CSMD1: variants seen among roughly 807,000 people sequenced by gnomAD.
CSMD1 encodes CUB and sushi domain-containing protein 1.
CSMD1 carries 213 observed loss-of-function variants against 417.5 expected under a neutral mutation model. That is an observed-to-expected ratio of 0.51 (90% CI 0.46 to 0.57). CSMD1 has a LOEUF of 0.57. Among genes scored for constraint, CSMD1 ranks in the 20% least tolerant of loss-of-function variants. The probability of loss-of-function intolerance (pLI) is 0.00; values close to 1 mark genes in which losing one functional copy is unlikely to be tolerated. For synonymous variants in CSMD1, 2,862 were observed against 1,736.8 expected (o/e 1.65, Z -16.11); for missense variants, 6,923 against 4,529.7 (o/e 1.53, Z -15.17).
intron 4 of CSMD1, among the ~76,000 whole-genome samples, chr8:3,998,508 G>C (rs532970831): frequency 6.6e-6 from 1 of 152,072 alleles, no homozygotes; most frequent in East Asian, 1.9e-4. Flanking sequence ...TGGATACCTG[G>C]CTTTGAGAAT....
intron 3 of CSMD1, among the ~76,000 whole-genome samples, chr8:4,124,344 T>A (rs1802646317): frequency 6.6e-6 from 1 of 152,148 alleles, no homozygotes; most frequent in Non-Finnish European, 1.5e-5. Flanking sequence ...AATGAGAAAC[T>A]TTTCTTTACG....
intron 1 of CSMD1, among the ~76,000 whole-genome samples, chr8:4,830,515 C>G (rs1460937936): frequency 6.6e-6 from 1 of 152,204 alleles, no homozygotes; most frequent in African/African-American, 2.4e-5. Flanking sequence ...TACTGCCTGA[C>G]AATGGATTAC....
intron 1 of CSMD1, among the ~76,000 whole-genome samples, chr8:4,946,066 G>A (rs990302441): frequency 6.6e-5 from 10 of 152,034 alleles, no homozygotes; most frequent in South Asian, 4.1e-4. Flanking sequence ...CAGCATTGCC[G>A]CTGGCAACGA....
chr8:4,503,981 AAAAG>A (rs1802392563), intron 2 of CSMD1, among the ~76,000 whole-genome samples: 2 of 151,912 alleles, frequency 1.3e-5, no homozygotes, highest in South Asian at 4.1e-4. Context: ...AAAAAAAAAA[AAAAG>A]AAAAAAAAAG....
intron 10 of CSMD1, among the ~76,000 whole-genome samples, chr8:3,572,385 G>A (rs1799982610): frequency 6.6e-6 from 1 of 152,288 alleles, no homozygotes. Context: ...CAGGAGAGGG[G>A]CTTGGAGCAA....
chr8:3,884,932 C>CAT (rs148153076), intron 5 of CSMD1, among the ~76,000 whole-genome samples: 273 of 96,812 alleles, frequency 2.8e-3, no homozygotes, highest in Admixed American at 4.5e-3. Flanking sequence ...TATATATATT[C>CAT]ATATATATAT....
chr8:4,477,569 T>C (rs1800872453), intron 2 of CSMD1, among the ~76,000 whole-genome samples: 1 of 152,196 alleles, frequency 6.6e-6, no homozygotes, highest in Non-Finnish European at 1.5e-5. Flanking sequence ...ACATCTTTTT[T>C]TAAAAATTGC....
At chr8:4,300,695 C>G (rs1475027209) in intron 3 of CSMD1, among the ~76,000 whole-genome samples, 1 of 152,112 alleles carries the variant, frequency 6.6e-6, no homozygotes, top group African/African-American at 2.4e-5. Context: ...TCTCCCAACC[C>G]CACAACAGTC....
intron 1 of CSMD1, among the ~76,000 whole-genome samples, chr8:4,807,710 A>G (rs1798672060): frequency 6.6e-6 from 1 of 152,218 alleles, no homozygotes; most frequent in African/African-American, 2.4e-5. Context: ...TATATGTTAA[A>G]CTGAATAAAA....
intron 3 of CSMD1, among the ~76,000 whole-genome samples, chr8:4,317,692 A>G (rs7813137): frequency 1 from 151,794 of 152,266 alleles, 75,665 homozygotes; most frequent in Middle Eastern, 1. Flanking sequence ...TAGACTTAGA[A>G]GTGAGGTAAC....
intron 5 of CSMD1, among the ~76,000 whole-genome samples, chr8:3,865,848 G>A (rs993284912): frequency 6.6e-6 from 1 of 152,038 alleles, no homozygotes; most frequent in African/African-American, 2.4e-5. Context: ...CATTTGAGCT[G>A]GAAACACGTG....
At chr8:3,102,961 T>C (rs1815866711) in intron 46 of CSMD1, among the ~76,000 whole-genome samples, 1 of 152,084 alleles carries the variant, frequency 6.6e-6, no homozygotes, top group African/African-American at 2.4e-5. Flanking sequence ...ACAAACAAGT[T>C]TATTGGGGTC....
intron 1 of CSMD1, among the ~76,000 whole-genome samples, chr8:4,776,689 A>G (rs944769080): frequency 6.6e-6 from 1 of 152,222 alleles, no homozygotes; most frequent in African/African-American, 2.4e-5. Flanking sequence ...CAGGGAGACA[A>G]CCAGAACACT....
chr8:3,020,432 T>C lies in CSMD1; in HGVS notation c.7856-1782A>G, dbSNP rs112389536. Among the ~76,000 whole-genome samples, 1,322 of 152,296 alleles carry C rather than the reference T, an allele frequency of 8.7e-3. 6 individuals are homozygous for C. Among genetic ancestry groups the C allele is most frequent in the African/African-American group, 0.014 (571 of 41,552 alleles). ...CTCAGGCTAGGGTGCAGTGGTACAA[T>C]TGTAGCTCCCAGCAGCAGCCCTGAC... is the stretch of plus-strand genomic sequence containing the variant. On this transcript the variant is annotated intron_variant, in intron 51 of 69. Coordinates refer to ENST00000635120, the MANE Select transcript of CSMD1 (RefSeq NM_033225.6).
At chr8:4,594,571 T>C (rs1168705383) in intron 2 of CSMD1, among the ~76,000 whole-genome samples, 1 of 152,178 alleles carries the variant, frequency 6.6e-6, no homozygotes, top group Non-Finnish European at 1.5e-5. Context: ...TGTGCGTTTT[T>C]TTGGAGGGGG....
intron 69 of CSMD1, among the ~76,000 whole-genome samples, chr8:2,941,734 G>A (rs1801889331): frequency 6.6e-6 from 1 of 152,148 alleles, no homozygotes; most frequent in Non-Finnish European, 1.5e-5. Flanking sequence ...CATCTATATT[G>A]CTTACTACAT....
intron 5 of CSMD1, among the ~76,000 whole-genome samples, chr8:3,823,264 C>G (rs1372761368): frequency 6.6e-6 from 1 of 152,114 alleles, no homozygotes; most frequent in Non-Finnish European, 1.5e-5. Flanking sequence ...CAAAGTAATT[C>G]AGTTTTGCCA....
intron 5 of CSMD1, among the ~76,000 whole-genome samples, chr8:3,980,185 C>T (rs1291652872): frequency 1.3e-5 from 2 of 152,190 alleles, no homozygotes; most frequent in African/African-American, 2.4e-5. Flanking sequence ...AATGTTATCA[C>T]TTTTCACAAT....
At chr8:4,128,128 C>T (rs1412537373) in intron 3 of CSMD1, among the ~76,000 whole-genome samples, 1 of 152,144 alleles carries the variant, frequency 6.6e-6, no homozygotes, top group East Asian at 1.9e-4. Flanking sequence ...GTCAGGCCAG[C>T]ACTCCCACCC....
Sources: allele counts gnomAD v4.1 joint callset (sites outside exome capture counted in the v4.1 genomes callset), GRCh38; gene constraint gnomAD v4.1.1; transcripts MANE v1.5; gene names NCBI Gene and HGNC (gene_info 2026-07-23, HGNC 2026-07-21).